ASCC1: variants seen among roughly 807,000 people sequenced by gnomAD.
ASCC1 encodes activating signal cointegrator 1 complex subunit 1, also known as ASC-1 complex subunit P50.
ASCC1 carries 35 observed loss-of-function variants against 46.6 expected under a neutral mutation model. That is an observed-to-expected ratio of 0.75 (90% CI 0.57 to 0.99). The LOEUF (loss-of-function observed/expected upper bound fraction) is 0.99. Ranked by LOEUF, ASCC1 falls within the 50% of genes least tolerant of loss-of-function variation. ASCC1 has a pLI of 0.00. For synonymous variants in ASCC1, 143 were observed against 146.6 expected (o/e 0.98, Z 0.18); for missense variants, 376 against 428.7 (o/e 0.88, Z 1.09).
chr10:72,186,653 T>C (rs981650929), intron 5 of ASCC1, among the ~76,000 whole-genome samples: 1 of 152,118 alleles, frequency 6.6e-6, no homozygotes, highest in African/African-American at 2.4e-5. Context: ...TTACTAAAAA[T>C]CTCTTCCATA....
intron 9 of ASCC1, among the ~76,000 whole-genome samples, chr10:72,123,877 T>C (rs1249415424): frequency 6.6e-6 from 1 of 152,246 alleles, no homozygotes; most frequent in Non-Finnish European, 1.5e-5. Context: ...GTTCATTTTA[T>C]GACTATTTGT....
intron 6 of ASCC1, among the ~76,000 whole-genome samples, chr10:72,157,993 G>C (rs937770915): frequency 6.6e-6 from 1 of 151,934 alleles, no homozygotes; most frequent in Non-Finnish European, 1.5e-5. Context: ...CATTTCTTTT[G>C]TATACATGTC....
chr10:72,185,007 G>C (rs1456816029), intron 5 of ASCC1, among the ~76,000 whole-genome samples: 2 of 152,142 alleles, frequency 1.3e-5, no homozygotes, highest in Non-Finnish European at 2.9e-5. Context: ...TGGCCAATGA[G>C]CACATGAAAA....
At chr10:72,212,667 G>A (rs970370517) in intron 2 of ASCC1, among the ~76,000 whole-genome samples, 6 of 152,160 alleles carry the variant, frequency 3.9e-5, no homozygotes, top group Middle Eastern at 6.8e-3. Context: ...GGCCAACATG[G>A]TGAAACCCTG....
At chr10:72,115,244 A>G (rs1843366971) in intron 9 of ASCC1, among the ~76,000 whole-genome samples, 1 of 152,222 alleles carries the variant, frequency 6.6e-6, no homozygotes, top group African/African-American at 2.4e-5. Context: ...TGTAGAAAAC[A>G]GTTCCAAAAA....
At chr10:72,102,324 T>C in intron 9 of ASCC1, 1 of 1,547,994 alleles carries the variant, frequency 6.5e-7, no homozygotes, top group South Asian at 1.2e-5. Context: ...CACTCACGGC[T>C]GTATCTTACC....
intron 5 of ASCC1, among the ~76,000 whole-genome samples, chr10:72,185,362 C>T (rs1023258658): frequency 6.6e-5 from 10 of 152,212 alleles, no homozygotes; most frequent in Non-Finnish European, 1.2e-4. Context: ...ACCATCCAAA[C>T]ATCTATCAGA....
At chr10:72,106,976 T>C (rs180963302) in intron 9 of ASCC1, among the ~76,000 whole-genome samples, 3 of 152,244 alleles carry the variant, frequency 2.0e-5, no homozygotes, top group African/African-American at 7.2e-5. Flanking sequence ...CCTTAGGCTG[T>C]GCATATACAA....
intron 3 of ASCC1, among the ~76,000 whole-genome samples, chr10:72,205,666 G>A (rs10465977): frequency 3.2e-4 from 49 of 151,484 alleles, no homozygotes; most frequent in African/African-American, 1.2e-3. Flanking sequence ...GTGTGGTGGC[G>A]GGCGCCTGTA....
At chr10:72,143,586 A>ATT (rs1847286175) in intron 7 of ASCC1, among the ~76,000 whole-genome samples, 1 of 149,006 alleles carries the variant, frequency 6.7e-6, no homozygotes, top group Admixed American at 6.8e-5. Context: ...GCAAGATACC[A>ATT]ACTCATTAAA....
At chr10:72,129,631 C>G (rs1394274412) in intron 8 of ASCC1, among the ~76,000 whole-genome samples, 3 of 151,304 alleles carry the variant, frequency 2.0e-5, no homozygotes, top group African/African-American at 7.3e-5. Flanking sequence ...CATGGTGAAA[C>G]CCCGTCTCTA....
intron 5 of ASCC1, among the ~76,000 whole-genome samples, chr10:72,187,719 CAAAAAAAAAA>C (rs761851091): frequency 1.4e-4 from 5 of 35,220 alleles, no homozygotes; most frequent in African/African-American, 3.3e-4. Flanking sequence ...GAATCCGTCT[CAAAAAAAAAA>C]AAAAAAAAAA....
Position 72,100,992 on chromosome 10 carries a change from T to C in ASCC1, c.958-3542A>G, listed in dbSNP as rs182629420. Among the ~76,000 whole-genome samples, 123 of 152,326 alleles carry C rather than the reference T, an allele frequency of 8.1e-4. 2 individuals are homozygous for C. In the Middle Eastern group the frequency reaches 0.014, roughly 17 times the overall value. On this transcript the variant is annotated intron_variant, in intron 9 of 9. Transcript: ENST00000672957. ...TTTCTGAACAGGACTTGCCAAATTA[T>C]ATTACTTCAAATCAAGGAGGCGGGG...
intron 5 of ASCC1, among the ~76,000 whole-genome samples, chr10:72,174,600 A>G (rs1228175593): frequency 6.6e-6 from 1 of 152,208 alleles, no homozygotes; most frequent in African/African-American, 2.4e-5. Context: ...CCAGAATGTA[A>G]ATAATTTATA....
chr10:72,141,036 T>TATAGACAG (rs1554829948), intron 7 of ASCC1, among the ~76,000 whole-genome samples: 32 of 144,276 alleles, frequency 2.2e-4, no homozygotes, highest in African/African-American at 8.0e-4. Context: ...TCAAATTGTT[T>TATAGACAG]ATAGATAGAT....
At chr10:72,165,116 C>CTTTT (rs60672884) in intron 5 of ASCC1, among the ~76,000 whole-genome samples, 19,756 of 151,798 alleles carry the variant, frequency 0.13, 4,068 homozygotes, top group African/African-American at 0.43. Flanking sequence ...AGTTGAAACT[C>CTTTT]TTTTTCTTTT....
chr10:72,203,115 C>T (rs1230753978), intron 4 of ASCC1, among the ~76,000 whole-genome samples: 2 of 151,922 alleles, frequency 1.3e-5, no homozygotes, highest in East Asian at 1.9e-4. Context: ...GGAGAAACCC[C>T]GCCTCCACTA....
intron 7 of ASCC1, chr10:72,133,816 A>G (rs1259382230): frequency 6.2e-6 from 1 of 161,148 alleles, no homozygotes; most frequent in African/African-American, 2.4e-5. Context: ...CTAGGTGGCT[A>G]CTTCAACAGT....
At position 72,187,260 on chromosome 10, in the gene ASCC1, T is replaced by C. The variant is rs114449922; in HGVS notation, c.489+9551A>G. On this transcript the variant is annotated intron_variant, in intron 5 of 9. Transcript: ENST00000672957. ...CATCCACATATATGTATTTTCCTCA[T>C]AGATATGGCCTTATTTAAGTACATA... Among the ~76,000 whole-genome samples the C allele has an allele frequency of 9.8e-4, 150 of 152,314 alleles. 2 individuals are homozygous for C. The highest frequency in any genetic ancestry group is 3.0e-3 in the African/African-American group (123 of 41,578).
Sources: gnomAD v4.1 joint callset for allele counts (sites outside exome capture counted in the v4.1 genomes callset) on GRCh38, gnomAD v4.1.1 for gene constraint, MANE v1.5 for transcripts, NCBI Gene and HGNC (gene_info 2026-07-23, HGNC 2026-07-21) for gene names.